LUZP2: variants seen among roughly 807,000 people sequenced by gnomAD.
LUZP2 encodes leucine zipper protein 2.
In LUZP2, 52 loss-of-function variants were observed where a neutral mutation model predicts 51.6. The ratio of observed to expected loss-of-function variants is 1.01; its 90% CI spans 0.81 to 1.27. LUZP2 has a LOEUF of 1.27. Ranked by LOEUF, LUZP2 falls within the 50% of genes most tolerant of loss-of-function variation. LUZP2 has a pLI of 0.00. For synonymous variants in LUZP2, 154 were observed against 137.3 expected (o/e 1.12, Z -0.85); for missense variants, 436 against 395.4 (o/e 1.10, Z -0.87).
At chr11:24,696,561 T>G (rs1857252713) in intron 1 of LUZP2, among the ~76,000 whole-genome samples, 1 of 151,860 alleles carries the variant, frequency 6.6e-6, no homozygotes, top group African/African-American at 2.4e-5. Flanking sequence ...TACTCATCCA[T>G]TTTTTCTATT....
intron 5 of LUZP2, among the ~76,000 whole-genome samples, chr11:24,770,522 A>G (rs1860367177): frequency 1.3e-5 from 2 of 152,142 alleles, no homozygotes; most frequent in Admixed American, 6.5e-5. Context: ...GCTTATTAAT[A>G]TGTCTTCTTC....
intron 4 of LUZP2, among the ~76,000 whole-genome samples, chr11:24,761,792 A>G (rs1859988425): frequency 6.6e-6 from 1 of 152,174 alleles, no homozygotes; most frequent in Non-Finnish European, 1.5e-5. Context: ...AATACAAATA[A>G]ATCTCATAAA....
intron 1 of LUZP2, among the ~76,000 whole-genome samples, chr11:24,517,798 T>C (rs577308403): frequency 6.6e-6 from 1 of 152,292 alleles, no homozygotes; most frequent in South Asian, 2.1e-4. Context: ...GTTATTTTTA[T>C]ATTGTGTCTG....
At chr11:24,895,125 C>A (rs6484081) in intron 5 of LUZP2, among the ~76,000 whole-genome samples, 90,915 of 151,820 alleles carry the variant, frequency 0.6, 27,943 homozygotes, top group East Asian at 0.78. Flanking sequence ...ACAGATTTTC[C>A]GTGGGGTGGC....
intron 1 of LUZP2, among the ~76,000 whole-genome samples, chr11:24,681,637 A>G (rs1856739473): frequency 6.6e-6 from 1 of 152,192 alleles, no homozygotes; most frequent in Non-Finnish European, 1.5e-5. Context: ...TCTTTCCTTC[A>G]TCATAAAGAA....
intron 7 of LUZP2, among the ~76,000 whole-genome samples, chr11:24,918,243 G>T (rs185447653): frequency 1.2e-4 from 19 of 152,162 alleles, no homozygotes; most frequent in Non-Finnish European, 4.4e-5. Flanking sequence ...GCGCTGAGAC[G>T]ATGGGGTTTT....
chr11:24,602,387 T>C (rs77638257), intron 1 of LUZP2, among the ~76,000 whole-genome samples: 35,074 of 129,036 alleles, frequency 0.27, 5,339 homozygotes, highest in Admixed American at 0.32. Context: ...TATATATATA[T>C]ACACACACAC....
chr11:24,707,847 A>C (rs1857651627), intron 1 of LUZP2, among the ~76,000 whole-genome samples: 1 of 152,138 alleles, frequency 6.6e-6, no homozygotes, highest in Non-Finnish European at 1.5e-5. Flanking sequence ...TTCTATGTAG[A>C]AGGGTGCACC....
intron 1 of LUZP2, among the ~76,000 whole-genome samples, chr11:24,711,494 G>T (rs1032457917): frequency 1.8e-4 from 20 of 110,814 alleles, no homozygotes; most frequent in East Asian, 6.7e-4. Context: ...AATAAATAAA[G>T]ATTTTCTTTT....
At chr11:24,811,312 T>C (rs1394333839) in intron 5 of LUZP2, among the ~76,000 whole-genome samples, 1 of 152,034 alleles carries the variant, frequency 6.6e-6, no homozygotes, top group Non-Finnish European at 1.5e-5. Context: ...TTTTACCGGT[T>C]TTGCTCTTTA....
chr11:24,999,342 G>A (rs894557708), intron 9 of LUZP2, among the ~76,000 whole-genome samples: 10 of 150,176 alleles, frequency 6.7e-5, no homozygotes, highest in East Asian at 3.9e-4. Flanking sequence ...AAGAAGAAGA[G>A]GAAAAAGAAG....
chr11:24,708,227 G>T (rs1590378085), intron 1 of LUZP2, among the ~76,000 whole-genome samples: 1 of 152,138 alleles, frequency 6.6e-6, no homozygotes, highest in Non-Finnish European at 1.5e-5. Context: ...CCAACAGGGT[G>T]AATATTCTTC....
chr11:24,550,773 C>T (rs1851701965), intron 1 of LUZP2, among the ~76,000 whole-genome samples: 1 of 151,976 alleles, frequency 6.6e-6, no homozygotes, highest in South Asian at 2.1e-4. Context: ...TAACTCTCCA[C>T]CAAAAATGCA....
intron 5 of LUZP2, among the ~76,000 whole-genome samples, chr11:24,763,955 C>T (rs1284843644): frequency 6.6e-6 from 1 of 152,154 alleles, no homozygotes; most frequent in Non-Finnish European, 1.5e-5. Context: ...TGATCAATCT[C>T]ACTAATTATG....
rs1367979804 is a variant in LUZP2, at chr11:24,661,644, A to T, written c.63-67525A>T. ...TCAGTTTTTCTTTGTATTGAAATCCAATGTATTCTAGATATTCTGTTTCTT... is the reference window on the plus strand; with the variant it reads ...TCAGTTTTTCTTTGTATTGAAATCCTATGTATTCTAGATATTCTGTTTCTT... On this transcript the variant is annotated intron_variant, in intron 1 of 11. Coordinates refer to ENST00000336930, the MANE Select transcript of LUZP2 (RefSeq NM_001009909.4). 2.0e-5 allele frequency among the ~76,000 whole-genome samples: 3 copies of T among 152,302 alleles called. No homozygotes were observed. In the East Asian group the frequency reaches 5.8e-4, roughly 29 times the overall value.
chr11:24,813,662 C>T (rs1850087246), intron 5 of LUZP2, among the ~76,000 whole-genome samples: 4 of 152,216 alleles, frequency 2.6e-5, no homozygotes, highest in Admixed American at 2.6e-4. Flanking sequence ...CCAGGTCGCA[C>T]CTCCAAAATT....
chr11:24,762,313 G>T, intron 4 of LUZP2, among the ~76,000 whole-genome samples: 1 of 152,056 alleles, frequency 6.6e-6, no homozygotes, highest in East Asian at 1.9e-4. Flanking sequence ...TTAGAAATAT[G>T]ACTAATCCAA....
intron 1 of LUZP2, among the ~76,000 whole-genome samples, chr11:24,674,831 T>C (rs1271537667): frequency 2.0e-5 from 3 of 152,222 alleles, no homozygotes; most frequent in Non-Finnish European, 4.4e-5. Context: ...TGGCATTTCC[T>C]CTTATGCCTT....
At chr11:25,067,490 T>G (rs1477897079) in intron 10 of LUZP2, among the ~76,000 whole-genome samples, 1 of 152,034 alleles carries the variant, frequency 6.6e-6, no homozygotes, top group Non-Finnish European at 1.5e-5. Flanking sequence ...CTTGGTTTTC[T>G]TCTAGGGTTT....
Sources: allele counts gnomAD v4.1 joint callset (sites outside exome capture counted in the v4.1 genomes callset), GRCh38; gene constraint gnomAD v4.1.1; transcripts MANE v1.5; gene names NCBI Gene and HGNC (gene_info 2026-07-23, HGNC 2026-07-21).